CDH8: variants seen among roughly 807,000 people sequenced by gnomAD.
The protein encoded by CDH8 is cadherin-8.
Under a neutral mutation model 68.1 loss-of-function variants are expected in CDH8, and 17 were observed. That is an observed-to-expected ratio of 0.25 (90% CI 0.17 to 0.37). The LOEUF (loss-of-function observed/expected upper bound fraction) is 0.37, where lower values mean the gene tolerates loss of function less well. Ranked by LOEUF, CDH8 falls within the 10% of genes least tolerant of loss-of-function variation. The pLI is 1.00. For missense variants in CDH8, 763 were observed against 999.3 expected (o/e 0.76, Z 3.19); for synonymous variants, 372 against 365.1 (o/e 1.02, Z -0.21).
intron 2 of CDH8, among the ~76,000 whole-genome samples, chr16:62,008,593 C>T (rs549144787): frequency 7.9e-5 from 12 of 152,134 alleles, no homozygotes; most frequent in South Asian, 6.2e-4. Context: ...CTCCAACTCC[C>T]GGGCTCAGGC....
chr16:61,938,363 C>G (rs985402557), intron 2 of CDH8, among the ~76,000 whole-genome samples: 4 of 152,078 alleles, frequency 2.6e-5, no homozygotes, highest in Non-Finnish European at 4.4e-5. Flanking sequence ...TAGGAGTATT[C>G]ACTCCTTGCA....
At chr16:61,940,144 T>A (rs1964689877) in intron 2 of CDH8, 1 of 152,184 alleles carries the variant, frequency 6.6e-6, no homozygotes, top group Non-Finnish European at 1.5e-5. Flanking sequence ...AGATTTTTTT[T>A]TACATAAAAA....
chr16:62,009,828 AG>A (rs1313880008), intron 2 of CDH8, among the ~76,000 whole-genome samples: 2 of 152,228 alleles, frequency 1.3e-5, no homozygotes, highest in African/African-American at 4.8e-5. Context: ...ATATATTTAA[AG>A]CATGTAGCAA....
At chr16:61,768,316 CTCTCTCT>C in intron 8 of CDH8, among the ~76,000 whole-genome samples, 1 of 25,720 alleles carries the variant, frequency 3.9e-5, no homozygotes, top group Non-Finnish European at 6.7e-5. Context: ...CTCTCCCTTT[CTCTCTCT>C]CTCTCTCTCT....
In CDH8 at chr16:61,739,219, A is replaced by G. The variant is rs909802289; in HGVS notation, c.1415-12004T>C. Among the ~76,000 whole-genome samples, 40 of 152,200 alleles carry G rather than the reference A, an allele frequency of 2.6e-4. 1 individual carries two copies. The highest frequency in any genetic ancestry group is 9.6e-4 in the African/African-American group (40 of 41,544). ...TGAGTTTACTTTGCTAAGTGTTTCT[A>G]TTTAATCTCTTATATTTTAGAACCT... On this transcript the variant is annotated intron_variant, in intron 8 of 11. Coordinates refer to ENST00000577390, the MANE Select transcript of CDH8 (RefSeq NM_001796.5).
At chr16:61,862,777 G>A (rs564474698) in intron 3 of CDH8, among the ~76,000 whole-genome samples, 1 of 152,284 alleles carries the variant, frequency 6.6e-6, no homozygotes, top group South Asian at 2.1e-4. Context: ...TGCAGACCAC[G>A]AAGGCAAATT....
At chr16:61,750,252 G>A (rs563214724) in intron 8 of CDH8, among the ~76,000 whole-genome samples, 1 of 152,188 alleles carries the variant, frequency 6.6e-6, no homozygotes, top group Admixed American at 6.6e-5. Flanking sequence ...TAACATACCT[G>A]CTCAAGAGAA....
intron 1 of CDH8, among the ~76,000 whole-genome samples, chr16:62,024,432 A>G (rs1438426118): frequency 6.6e-6 from 1 of 152,060 alleles, no homozygotes; most frequent in African/African-American, 2.4e-5. Flanking sequence ...CTTTGTTGCT[A>G]ATGACTCTAG....
rs187131163 is a variant in CDH8 at position 62,018,292 on chromosome 16, G to A, written c.252+2860C>T. On this transcript the variant is annotated intron_variant, in intron 2 of 11. Transcript: ENST00000577390. ...TATGTGAAGCTCTGAAGAACCTATC[G>A]CTCAAAAACTAGCTCTGCCCTTGAG... 1.8e-3 allele frequency among the ~76,000 whole-genome samples: 277 copies of A among 152,222 alleles called. 1 individual carries two copies. Among genetic ancestry groups the A allele is most frequent in the Middle Eastern group, 3.4e-3 (1 of 294 alleles).
At chr16:62,024,390 C>T (rs1902146191) in intron 1 of CDH8, among the ~76,000 whole-genome samples, 1 of 152,178 alleles carries the variant, frequency 6.6e-6, no homozygotes, top group Non-Finnish European at 1.5e-5. Flanking sequence ...TAAAATTTTG[C>T]CAAACACTCT....
chr16:61,972,181 C>T (rs1047016994), intron 2 of CDH8, among the ~76,000 whole-genome samples: 35 of 152,108 alleles, frequency 2.3e-4, no homozygotes, highest in African/African-American at 8.0e-4. Flanking sequence ...AGCTCTCTTG[C>T]CTGCCACCAT....
At chr16:61,980,856 C>T (rs1239694761) in intron 2 of CDH8, among the ~76,000 whole-genome samples, 3 of 152,106 alleles carry the variant, frequency 2.0e-5, no homozygotes, top group Non-Finnish European at 4.4e-5. Context: ...CAGATATACT[C>T]TCCATTCAAA....
intron 8 of CDH8, among the ~76,000 whole-genome samples, chr16:61,771,107 C>G (rs1423144768): frequency 6.6e-6 from 1 of 151,768 alleles, no homozygotes; most frequent in African/African-American, 2.4e-5. Flanking sequence ...ATATAATTGC[C>G]TTTTAAAATC....
At chr16:61,798,176 AT>A (rs915761609) in intron 7 of CDH8, among the ~76,000 whole-genome samples, 2 of 152,202 alleles carry the variant, frequency 1.3e-5, no homozygotes, top group African/African-American at 4.8e-5. Context: ...AAATGTGATG[AT>A]GTAACAAAAA....
intron 11 of CDH8, among the ~76,000 whole-genome samples, chr16:61,655,108 A>G (rs955683013): frequency 6.6e-6 from 1 of 152,220 alleles, no homozygotes; most frequent in African/African-American, 2.4e-5. Flanking sequence ...TATTGTGGAC[A>G]TAGTAGAGCC....
chr16:61,825,237 T>G, intron 4 of CDH8, 58 bp from the exon 5 acceptor site: 1 of 1,406,294 alleles, frequency 7.1e-7, no homozygotes, highest in Non-Finnish European at 9.9e-7. Flanking sequence ...AAAATGAAAG[T>G]GTTAATCTCA....
chr16:61,820,749 G>C (rs568589272), intron 6 of CDH8, among the ~76,000 whole-genome samples, 177 bp downstream of exon 6: 1 of 151,920 alleles, frequency 6.6e-6, no homozygotes, highest in East Asian at 2.0e-4. Flanking sequence ...AAATGTGAAG[G>C]GGGCCCAAGA....
In CDH8 at chr16:62,021,461, G is replaced by A. The variant is rs1597131370; in HGVS notation, c.-58C>T. 1.2e-5 allele frequency: 19 copies of A among 1,551,068 alleles called. No individual in the cohort carries two copies. The Admixed American group carries it at 1.7e-4, about 14-fold the overall frequency. On this transcript the variant is annotated 5_prime_UTR_variant, in exon 2 of 12. Transcript: ENST00000577390. The stretch of plus-strand genomic sequence containing the variant: ...TGAGACAATTATTTTTTTTGTCTCC[G>A]GTCTGCAGCCATCCAATTCATCATG...
At chr16:62,005,734 T>TAAAA (rs10552670) in intron 2 of CDH8, among the ~76,000 whole-genome samples, 5 of 114,036 alleles carry the variant, frequency 4.4e-5, no homozygotes, top group African/African-American at 1.4e-4. Context: ...GACTTCGTCT[T>TAAAA]AAAAAAAAAA....
Sources: allele counts gnomAD v4.1 joint callset (sites outside exome capture counted in the v4.1 genomes callset), GRCh38; gene constraint gnomAD v4.1.1; transcripts MANE v1.5; gene names NCBI Gene and HGNC (gene_info 2026-07-23, HGNC 2026-07-21).